LRP5: variants seen among roughly 807,000 people sequenced by gnomAD.
LRP5 encodes LDL receptor related protein 5.
LRP5 carries 62 observed loss-of-function variants against 154.1 expected under a neutral mutation model. The observed-to-expected ratio is 0.40, with a 90% confidence interval of 0.33 to 0.50. LRP5 has a LOEUF of 0.50. LRP5 is among the 20% of genes least tolerant of loss of function. The pLI is 0.55. For missense variants in LRP5, 1,915 were observed against 2,336.7 expected, an observed-to-expected ratio of 0.82 and a Z score of 3.72; for synonymous variants, 966 against 1,011.5, an observed-to-expected ratio of 0.96 and a Z score of 0.85.
intron 13 of LRP5, among the ~76,000 whole-genome samples, chr11:68,418,028 A>G (rs182878563): frequency 6.6e-6 from 1 of 152,340 alleles, no homozygotes; most frequent in African/African-American, 2.4e-5. Context: ...TGATGTGCTC[A>G]CGGCGGCCTC....
In LRP5 at chr11:68,409,904, C is replaced by G. The variant is rs369624165; in HGVS notation, c.2092-10C>G. ...AAAATGTGGCCCTTTTCCTCCTCAC[C>G]TGCTGCCAGACCATCAGCCGCGCCT... On this transcript the variant is annotated splice_polypyrimidine_tract_variant and intron_variant, in intron 9 of 22. Coordinates refer to ENST00000294304, the MANE Select transcript of LRP5 (RefSeq NM_002335.4). The G allele has an allele frequency of 3.1e-6, 5 of 1,609,968 alleles. No individual in the cohort carries two copies. The highest frequency in any genetic ancestry group is 4.2e-6 in the Non-Finnish European group (5 of 1,176,536).
Position 68,410,021 on chromosome 11 carries a change from C to T in LRP5, c.2199C>T (p.Tyr733=). The change falls in exon 10 of 23, where the codon TAC becomes TAT. Residue 733 remains tyrosine, a synonymous_variant. Coordinates refer to ENST00000294304, the MANE Select transcript of LRP5 (RefSeq NM_002335.4). ...MAVDWMGKNL[Y]WADTGTNRIE... ...TTGACTGGATGGGCAAGAACCTCTA[C>T]TGGGCCGACACTGGGACCAACAGAA... is the stretch of plus-strand genomic sequence containing the variant. The T allele has an allele frequency of 6.2e-7, 1 of 1,614,088 alleles. No homozygotes were observed. The highest frequency in any genetic ancestry group is 8.5e-7 in the Non-Finnish European group (1 of 1,179,992).
chr11:68,409,074 A>ATG lies in LRP5; in HGVS notation c.2092-839_2092-838insGT, dbSNP rs2098657572. Among the ~76,000 whole-genome samples, 7 of 32,320 alleles carry ATG rather than the reference A, an allele frequency of 2.2e-4. 1 individual carries two copies. The highest frequency in any genetic ancestry group is 3.0e-4 in the Non-Finnish European group (5 of 16,888). The allele number at this position is 32,320 out of a possible 152,430, so 21.2% of individuals were successfully genotyped here. The stretch of plus-strand genomic sequence containing the variant: ...GGGAAAAAAAAAAAAAAAAAAAAAA[A>ATG]TATATATATATATATATATATACAC... On this transcript the variant is annotated intron_variant, in intron 9 of 22. Transcript: ENST00000294304.
intron 8 of LRP5, chr11:68,404,270 A>G (rs2153163405): frequency 1.9e-6 from 1 of 527,326 alleles, no homozygotes; most frequent in East Asian, 4.0e-5. Context: ...CGGCAGGGAC[A>G]GGCCTGGGGC....
In LRP5 at chr11:68,416,407, C is replaced by T. The variant is rs1178324210; in HGVS notation, c.2907C>T (p.Leu969=). The change falls in exon 13 of 23, where the codon CTC becomes CTT. Residue 969 remains leucine (L), a synonymous_variant. Transcript: ENST00000294304. ...MIPDDQHSPD[L]ILPLHGLRNV... The stretch of plus-strand genomic sequence containing the variant: ...CGGACGACCAGCACAGCCCGGATCT[C>T]ATCCTGCCCCTGCATGGACTGAGGA... 18 of 1,614,176 alleles carry T rather than the reference C, an allele frequency of 1.1e-5. No individual in the cohort carries two copies. Among genetic ancestry groups the T allele is most frequent in the Non-Finnish European group, 1.4e-5 (17 of 1,180,044 alleles).
chr11:68,344,863 T>C (rs949688138), intron 1 of LRP5, among the ~76,000 whole-genome samples: 2 of 129,314 alleles, frequency 1.5e-5, no homozygotes, highest in Admixed American at 7.8e-5. Context: ...TTTTTTTTTT[T>C]TTTTTTTTTT....
chr11:68,374,881 G>C (rs551048955), intron 5 of LRP5, among the ~76,000 whole-genome samples: 1 of 152,330 alleles, frequency 6.6e-6, no homozygotes, highest in East Asian at 1.9e-4. Context: ...GGGGCACAGG[G>C]GGAATGGCAT....
intron 12 of LRP5, among the ~76,000 whole-genome samples, chr11:68,414,386 C>T (rs1037313698): frequency 6.6e-6 from 1 of 152,162 alleles, no homozygotes; most frequent in Non-Finnish European, 1.5e-5. Context: ...TCCCATTTCA[C>T]GTACAAGGAA....
chr11:68,306,642 A>G, the LRP5 span, among the ~76,000 whole-genome samples: 1 of 152,262 alleles, frequency 6.6e-6, no homozygotes, highest in Non-Finnish European at 1.5e-5. Flanking sequence ...ATGTGTCTTT[A>G]AAACACTTAT....
rs1335299572 is a variant in LRP5, at chr11:68,425,099, C to T, written c.3237-3C>T. ...CCGTCCTTCACCCGCCACCCTCCCG[C>T]AGGTACCTGTACTTCACCAACATGC... On this transcript the variant is annotated splice_polypyrimidine_tract_variant and splice_region_variant and intron_variant, in intron 14 of 22. Transcript: ENST00000294304. 1 of 1,613,542 alleles carries T rather than the reference C, an allele frequency of 6.2e-7. No individual in the cohort carries two copies. The highest frequency in any genetic ancestry group is 8.5e-7 in the Non-Finnish European group (1 of 1,179,906).
intron 5 of LRP5, among the ~76,000 whole-genome samples, chr11:68,369,512 G>T (rs2098632917): frequency 6.6e-6 from 1 of 152,092 alleles, no homozygotes; most frequent in African/African-American, 2.4e-5. Context: ...AGATCGTGCA[G>T]TCGTGCCTGT....
chr11:68,340,706 T>C (rs1258246854), intron 1 of LRP5, among the ~76,000 whole-genome samples: 1 of 152,186 alleles, frequency 6.6e-6, no homozygotes, highest in Non-Finnish European at 1.5e-5. Context: ...CTTTGTGATG[T>C]ACGGTCCTGA....
chr11:68,376,342 C>T (rs1194375387), intron 5 of LRP5, among the ~76,000 whole-genome samples: 5 of 152,062 alleles, frequency 3.3e-5, no homozygotes, highest in Non-Finnish European at 7.4e-5. Context: ...CCACCACACT[C>T]GGCTTATTTT....
the LRP5 span, among the ~76,000 whole-genome samples, chr11:68,304,259 G>A: frequency 6.6e-6 from 1 of 152,248 alleles, no homozygotes; most frequent in South Asian, 2.1e-4. Context: ...TTGGCTCAAA[G>A]GGCCATAGTC....
chr11:68,399,641 G>A (rs899107342), intron 7 of LRP5, among the ~76,000 whole-genome samples: 1 of 152,214 alleles, frequency 6.6e-6, no homozygotes, highest in African/African-American at 2.4e-5. Context: ...AGCCAGGACA[G>A]GCACGTTCTC....
chr11:68,339,023 G>A (rs1349285002), intron 1 of LRP5, among the ~76,000 whole-genome samples: 1 of 151,050 alleles, frequency 6.6e-6, no homozygotes, highest in Non-Finnish European at 1.5e-5. Flanking sequence ...ACAGGCATGT[G>A]CCACCACACC....
At chr11:68,378,644 T>TA (rs985684516) in intron 5 of LRP5, among the ~76,000 whole-genome samples, 2 of 152,184 alleles carry the variant, frequency 1.3e-5, no homozygotes, top group African/African-American at 4.8e-5. Context: ...GAAAACATTA[T>TA]AAAAAATAGT....
intron 13 of LRP5, among the ~76,000 whole-genome samples, chr11:68,421,818 TGTGTGTG>T (rs1398741735): frequency 1.5e-4 from 22 of 149,910 alleles, no homozygotes; most frequent in East Asian, 3.9e-4. Flanking sequence ...TGTGTGCGCG[TGTGTGTG>T]GTGTGTGGTG....
intron 21 of LRP5, among the ~76,000 whole-genome samples, chr11:68,441,700 G>A (rs1355570066): frequency 6.6e-6 from 1 of 152,130 alleles, no homozygotes; most frequent in Admixed American, 6.5e-5. Context: ...TCTTAATCAG[G>A]CAATAAGAGA....
Sources: allele counts gnomAD v4.1 joint callset (sites outside exome capture counted in the v4.1 genomes callset), GRCh38; gene constraint gnomAD v4.1.1; transcripts MANE v1.5; gene names NCBI Gene and HGNC (gene_info 2026-07-23, HGNC 2026-07-21).